Variants in FMN1 observed in about 807,000 individuals in gnomAD.
FMN1 encodes formin 1.
Under a neutral mutation model 132.4 loss-of-function variants are expected in FMN1, and 110 were observed. That is an observed-to-expected ratio of 0.83 (90% confidence interval 0.71 to 0.97). The LOEUF (loss-of-function observed/expected upper bound fraction) is 0.97, where lower values mean the gene tolerates loss of function less well. Ranked by LOEUF, FMN1 falls within the 50% of genes least tolerant of loss-of-function variation. The probability of loss-of-function intolerance (pLI) is 0.00; values close to 1 mark genes in which losing one functional copy is unlikely to be tolerated. For synonymous variants in FMN1, 722 were observed against 651.7 expected (o/e 1.11, Z -1.64); for missense variants, 1,792 against 1,705.3 (o/e 1.05, Z -0.90).
chr15:32,886,347 T>C (rs1243615646), intron 16 of FMN1, among the ~76,000 whole-genome samples: 4 of 152,144 alleles, frequency 2.6e-5, no homozygotes, highest in African/African-American at 7.2e-5. Flanking sequence ...ACTGAGACAA[T>C]GTTCAGTTTT....
At chr15:32,976,665 GAC>G (rs2032229618) in intron 7 of FMN1, among the ~76,000 whole-genome samples, 1 of 152,156 alleles carries the variant, frequency 6.6e-6, no homozygotes, top group Non-Finnish European at 1.5e-5. Context: ...AGGCACATTT[GAC>G]ACATTTCTGT....
At position 33,154,698 on chromosome 15, in the gene FMN1, T is replaced by C. The variant is rs560398517; in HGVS notation, c.217A>G (p.Ile73Val). The change falls in exon 4 of 21, where the codon ATA becomes GTA. Residue 73 changes from isoleucine to valine, a missense_variant. Coordinates refer to ENST00000616417, the MANE Select transcript of FMN1 (RefSeq NM_001277313.2). ...SQEPDEHPGDIFFKQTPTKDI... is the reference protein window; with the variant it reads ...SQEPDEHPGDVFFKQTPTKDI... Reference sequence around the variant, plus strand: ...TTCGTGGGAGTCTGCTTGAAAAATATGTCGCCTGGATGTTCGTCCGGCTCC... The same window carrying C: ...TTCGTGGGAGTCTGCTTGAAAAATACGTCGCCTGGATGTTCGTCCGGCTCC... 2.0e-6 allele frequency: 3 copies of C among 1,536,032 alleles called. No homozygotes were observed. Among genetic ancestry groups the C allele is most frequent in the Admixed American group, 2.0e-5 (1 of 50,988 alleles).
chr15:33,073,535 C>T (rs1191023533), intron 5 of FMN1, among the ~76,000 whole-genome samples: 1 of 151,948 alleles, frequency 6.6e-6, no homozygotes, highest in Non-Finnish European at 1.5e-5. Flanking sequence ...GTTCAGGAAG[C>T]GTGTTTTAAT....
chr15:32,868,877 CT>C (rs1261872543), intron 16 of FMN1, among the ~76,000 whole-genome samples: 4 of 152,134 alleles, frequency 2.6e-5, no homozygotes, highest in African/African-American at 9.6e-5. Context: ...CATTTCTCCT[CT>C]AAAAAACATT....
chr15:33,120,267 A>G (rs1962424361), intron 4 of FMN1, among the ~76,000 whole-genome samples: 1 of 152,234 alleles, frequency 6.6e-6, no homozygotes, highest in Admixed American at 6.5e-5. Flanking sequence ...ATTTGTTTAC[A>G]AAACTTGGCA....
rs150328989 is a variant in FMN1 at position 33,029,885 on chromosome 15, C to T, written c.2162-21810G>A. Among the ~76,000 whole-genome samples the T allele has an allele frequency of 7.2e-3, 1,099 of 152,254 alleles. 10 individuals carry two copies. The highest frequency in any genetic ancestry group is 0.024 in the African/African-American group (1,015 of 41,530). On this transcript the variant is annotated intron_variant, in intron 6 of 20. Transcript: ENST00000616417. ...AATTTATCTTTTCAAAGGCCAGGTG[C>T]GGTGGCTCACGCCTGTAATCCCAGC...
intron 6 of FMN1, among the ~76,000 whole-genome samples, chr15:33,056,914 C>T (rs2037242561): frequency 6.6e-6 from 1 of 152,178 alleles, no homozygotes; most frequent in Non-Finnish European, 1.5e-5. Context: ...CAGTGGCTCA[C>T]ACCTGTAATC....
chr15:33,039,666 T>C (rs545408068), intron 6 of FMN1, among the ~76,000 whole-genome samples: 2 of 152,316 alleles, frequency 1.3e-5, no homozygotes, highest in South Asian at 4.1e-4. Flanking sequence ...TTCTGTTCTT[T>C]TAATAGCCCT....
At chr15:33,066,897 TCTCA>T (rs932626367) in intron 5 of FMN1, 10 of 1,613,842 alleles carry the variant, frequency 6.2e-6, no homozygotes, top group African/African-American at 1.3e-5. Flanking sequence ...GTTGCTTTCT[TCTCA>T]CTCTTCACTG....
intron 7 of FMN1, among the ~76,000 whole-genome samples, chr15:32,987,485 C>T (rs985884400): frequency 2.6e-5 from 4 of 152,116 alleles, no homozygotes; most frequent in Admixed American, 2.0e-4. Flanking sequence ...CACATCAGAG[C>T]AGAAGGCTTT....
At chr15:32,923,648 C>G (rs2060887057) in intron 10 of FMN1, among the ~76,000 whole-genome samples, 1 of 152,118 alleles carries the variant, frequency 6.6e-6, no homozygotes, top group East Asian at 1.9e-4. Context: ...ATGTTCTTAT[C>G]TAGAGTATAA....
chr15:33,079,200 C>G (rs2038350503), intron 5 of FMN1, among the ~76,000 whole-genome samples: 1 of 152,114 alleles, frequency 6.6e-6, no homozygotes, highest in African/African-American at 2.4e-5. Flanking sequence ...ATGTATTTCT[C>G]ATCAGAATAG....
At chr15:32,796,088 A>G (rs2057280539) in intron 19 of FMN1, among the ~76,000 whole-genome samples, 1 of 152,182 alleles carries the variant, frequency 6.6e-6, no homozygotes, top group East Asian at 1.9e-4. Context: ...TTATGAGGGG[A>G]AGCTGTTATC....
At chr15:32,912,778 A>AAATTAGG (rs1431995772) in intron 10 of FMN1, among the ~76,000 whole-genome samples, 1 of 152,130 alleles carries the variant, frequency 6.6e-6, no homozygotes, top group East Asian at 1.9e-4. Context: ...GGACAGAGCA[A>AAATTAGG]AATTTACTCA....
chr15:33,092,408 G>C (rs550821226), intron 4 of FMN1, among the ~76,000 whole-genome samples: 1 of 152,166 alleles, frequency 6.6e-6, no homozygotes, highest in East Asian at 1.9e-4. Context: ...ACGCACCCAC[G>C]GCCTTTTCTG....
chr15:32,936,971 C>T (rs914855983), intron 9 of FMN1, among the ~76,000 whole-genome samples: 4 of 152,120 alleles, frequency 2.6e-5, no homozygotes, highest in Non-Finnish European at 5.9e-5. Flanking sequence ...TATGCTGTGT[C>T]CCATCAGCAC....
intron 4 of FMN1, among the ~76,000 whole-genome samples, chr15:33,094,529 C>A (rs1162920364): frequency 6.6e-6 from 1 of 152,140 alleles, no homozygotes; most frequent in Non-Finnish European, 1.5e-5. Flanking sequence ...GAATTCACGT[C>A]ATCAAATGCA....
intron 6 of FMN1, among the ~76,000 whole-genome samples, chr15:33,035,180 G>T (rs1237596159): frequency 6.6e-6 from 1 of 152,164 alleles, no homozygotes; most frequent in Non-Finnish European, 1.5e-5. Context: ...CTAGTGGCAG[G>T]TGTAAAACCT....
chr15:32,900,570 CAGA>C (rs1176214236), intron 13 of FMN1, among the ~76,000 whole-genome samples: 1 of 152,144 alleles, frequency 6.6e-6, no homozygotes, highest in Non-Finnish European at 1.5e-5. Context: ...AGAGCAGATA[CAGA>C]AGAAGTATGT....
Sources: allele counts gnomAD v4.1 joint callset (sites outside exome capture counted in the v4.1 genomes callset), GRCh38; gene constraint gnomAD v4.1.1; transcripts MANE v1.5; gene names NCBI Gene and HGNC (gene_info 2026-07-23, HGNC 2026-07-21).